THSD7A: variants seen among roughly 807,000 people sequenced by gnomAD.
THSD7A encodes the protein thrombospondin type-1 domain-containing protein 7A.
A neutral mutation model predicts 231.3 loss-of-function variants in THSD7A; 96 were observed. That is an observed-to-expected ratio of 0.41 (90% confidence interval 0.35 to 0.49). THSD7A has a LOEUF of 0.49. THSD7A is among the 20% of genes least tolerant of loss of function. The pLI, the probability that THSD7A is intolerant of heterozygous loss-of-function variation, is 0.05. For synonymous variants in THSD7A, 940 were observed against 743.3 expected (o/e 1.26, Z -4.30); for missense variants, 2,290 against 2,070.2 (o/e 1.11, Z -2.06).
intron 1 of THSD7A, among the ~76,000 whole-genome samples, chr7:11,781,856 A>T (rs1048629758): frequency 6.6e-6 from 1 of 152,014 alleles, no homozygotes; most frequent in Non-Finnish European, 1.5e-5. Context: ...AAAAAAGTGC[A>T]TTTTTTTTCT....
At chr7:11,784,190 G>A (rs1157645600) in intron 1 of THSD7A, among the ~76,000 whole-genome samples, 1 of 151,198 alleles carries the variant, frequency 6.6e-6, no homozygotes, top group Non-Finnish European at 1.5e-5. Flanking sequence ...GTATGTTTAT[G>A]CATATATATA....
intron 1 of THSD7A, among the ~76,000 whole-genome samples, chr7:11,648,410 T>C (rs1223031698): frequency 6.6e-6 from 1 of 152,048 alleles, no homozygotes; most frequent in Non-Finnish European, 1.5e-5. Context: ...CATGGGAGTC[T>C]GGGCAATGTG....
At chr7:11,434,312 G>A (rs1784564888) in intron 13 of THSD7A, among the ~76,000 whole-genome samples, 1 of 152,090 alleles carries the variant, frequency 6.6e-6, no homozygotes, top group Admixed American at 6.6e-5. Flanking sequence ...TTGACGCTTG[G>A]AAAAATTAAA....
intron 2 of THSD7A, among the ~76,000 whole-genome samples, chr7:11,606,043 T>C (rs560222075): frequency 6.6e-6 from 1 of 152,258 alleles, no homozygotes; most frequent in Non-Finnish European, 1.5e-5. Flanking sequence ...GTCCCACTAG[T>C]GCAGTGCTAG....
chr7:11,734,876 T>C lies in THSD7A; in HGVS notation c.190+96881A>G, dbSNP rs918353828. Among the ~76,000 whole-genome samples the C allele has an allele frequency of 9.2e-5, 14 of 151,870 alleles. 1 individual carries two copies. The highest frequency in any genetic ancestry group is 3.4e-4 in the African/African-American group (14 of 41,408). On this transcript the variant is annotated intron_variant, in intron 1 of 27. Transcript: ENST00000423059. ...TTTCAACAATGCATTTTCCAGATGA[T>C]TTTATAGTCATTTTTTAGGATTTTA...
intron 1 of THSD7A, among the ~76,000 whole-genome samples, chr7:11,705,607 G>A (rs1433798084): frequency 6.6e-6 from 1 of 150,942 alleles, no homozygotes; most frequent in Non-Finnish European, 1.5e-5. Flanking sequence ...AGGGAAGTAG[G>A]ATTATTTTTA....
intron 4 of THSD7A, among the ~76,000 whole-genome samples, chr7:11,576,320 C>T (rs1266768089): frequency 1.3e-5 from 2 of 152,174 alleles, no homozygotes; most frequent in Non-Finnish European, 2.9e-5. Flanking sequence ...TCTTTTCTAA[C>T]TGCGCATAAA....
At chr7:11,606,234 A>C (rs1780728012) in intron 2 of THSD7A, among the ~76,000 whole-genome samples, 1 of 152,184 alleles carries the variant, frequency 6.6e-6, no homozygotes, top group Non-Finnish European at 1.5e-5. Context: ...GTTACTGTTG[A>C]ATTCTACTTT....
chr7:11,767,844 A>C (rs80303625), intron 1 of THSD7A, among the ~76,000 whole-genome samples: 3,650 of 152,260 alleles, frequency 0.024, 140 homozygotes, highest in African/African-American at 0.082. Context: ...TCCAACAAGG[A>C]AACAGCTCAG....
rs76251858 is a variant in THSD7A, at chr7:11,784,250, A to G, written c.190+47507T>C. ...CATATATATGTATGTGTGTGTGTGT[A>G]TATATATATACATCCTTTTTATTCT... On this transcript the variant is annotated intron_variant, in intron 1 of 27. Transcript: ENST00000423059. Among the ~76,000 whole-genome samples the G allele has an allele frequency of 5.2e-3, 781 of 151,170 alleles. 12 individuals are homozygous for G. Among genetic ancestry groups the G allele is most frequent in the East Asian group, 0.046 (235 of 5,112 alleles).
chr7:11,757,632 A>G (rs1271915744), intron 1 of THSD7A, among the ~76,000 whole-genome samples: 1 of 151,916 alleles, frequency 6.6e-6, no homozygotes, highest in African/African-American at 2.4e-5. Flanking sequence ...CCCCAAAATG[A>G]GTAAGTTGAT....
chr7:11,447,382 T>C lies in THSD7A; in HGVS notation c.2648A>G (p.His883Arg), dbSNP rs2128294686. The C allele has an allele frequency of 6.2e-7, 1 of 1,605,884 alleles. No individual in the cohort carries two copies. The highest frequency in any genetic ancestry group is 1.3e-5 in the African/African-American group (1 of 74,648). The change falls in exon 12 of 28, where the codon CAT becomes CGT. Residue 883 changes from histidine (H) to arginine (R), a missense_variant. Transcript: ENST00000423059. ...AGGGCCTGCATACTGTAGGCACTCA[T>C]GGATTCCAGCCTGTCCTCCATCTTG... The part of the protein sequence containing the change: ...RKQDGGQAGI[H>R]ECLQYAGPVP...
chr7:11,714,050 C>A (rs1470464771), intron 1 of THSD7A, among the ~76,000 whole-genome samples: 1 of 151,076 alleles, frequency 6.6e-6, no homozygotes, highest in African/African-American at 2.4e-5. Context: ...TGTGTCTGTA[C>A]ATTGGGTCAC....
At chr7:11,765,530 G>A (rs1290152625) in intron 1 of THSD7A, among the ~76,000 whole-genome samples, 11 of 152,174 alleles carry the variant, frequency 7.2e-5, no homozygotes, top group Admixed American at 7.2e-4. Context: ...AATATGAATA[G>A]TTAAAATATA....
At position 11,636,916 on chromosome 7, in the gene THSD7A, A is replaced by T. The variant is rs781074373; in HGVS notation, c.236T>A (p.Ile79Asn). The T allele has an allele frequency of 6.2e-7, 1 of 1,613,048 alleles. No homozygotes were observed. Among genetic ancestry groups the T allele is most frequent in the South Asian group, 1.1e-5 (1 of 91,070 alleles). ...CMGDECGPGGIQTRAVWCAHV... is the reference protein window; with the variant it reads ...CMGDECGPGGNQTRAVWCAHV... ...AGCACACCACACAGCCCTCGTTTGG[A>T]TGCCTCCGGGACCACATTCATCTCC... The change falls in exon 2 of 28, where the codon ATC (isoleucine) becomes AAC (asparagine). Residue 79 changes from isoleucine (I) to asparagine (N), a missense_variant. By Grantham distance (149) the Ile-to-Asn change is moderately radical. Transcript: ENST00000423059. The surrounding 1 kb of genome is among the most constrained non-coding windows in gnomAD (Gnocchi z 10.0).
chr7:11,718,368 C>G (rs1263655086), intron 1 of THSD7A, among the ~76,000 whole-genome samples: 1 of 151,568 alleles, frequency 6.6e-6, no homozygotes, highest in Admixed American at 6.6e-5. Flanking sequence ...ATGGTTATTT[C>G]ATTTCTGTGT....
intron 2 of THSD7A, among the ~76,000 whole-genome samples, chr7:11,607,256 G>C (rs914127050): frequency 6.6e-6 from 1 of 152,068 alleles, no homozygotes; most frequent in Non-Finnish European, 1.5e-5. Flanking sequence ...GAATGGGGTA[G>C]GAGGATTTCT....
At chr7:11,645,401 T>G (rs1039763751) in intron 1 of THSD7A, among the ~76,000 whole-genome samples, 2 of 151,912 alleles carry the variant, frequency 1.3e-5, no homozygotes, top group African/African-American at 4.8e-5. Flanking sequence ...CACAATAGTA[T>G]ATTTCTTTCA....
chr7:11,608,729 T>G (rs1780819063), intron 2 of THSD7A, among the ~76,000 whole-genome samples: 1 of 152,178 alleles, frequency 6.6e-6, no homozygotes, highest in African/African-American at 2.4e-5. Context: ...CCTCTTTTTT[T>G]CTAAACTTTC....
Sources: gnomAD v4.1 joint callset for allele counts (sites outside exome capture counted in the v4.1 genomes callset) on GRCh38, gnomAD v4.1.1 for gene constraint, Gnocchi (gnomAD v3.1) non-coding constraint, MANE v1.5 for transcripts, NCBI Gene and HGNC (gene_info 2026-07-23, HGNC 2026-07-21) for gene names.